The following CCDC102B variants were observed in gnomAD, a reference collection of about 807,000 sequenced individuals.
CCDC102B encodes coiled-coil domain containing 102B.
In CCDC102B, 75 loss-of-function variants were observed where a neutral mutation model predicts 57.4. The observed-to-expected ratio is 1.31, with a 90% CI of 1.08 to 1.58. The LOEUF is 1.58. Among genes scored for constraint, CCDC102B ranks in the 40% most tolerant of loss-of-function variants. The probability of loss-of-function intolerance (pLI) is 0.00; values close to 1 mark genes in which losing one functional copy is unlikely to be tolerated. For missense variants in CCDC102B, 636 were observed against 582.6 expected, an observed-to-expected ratio of 1.09 and a Z score of -0.94; for synonymous variants, 206 against 201.9, an observed-to-expected ratio of 1.02 and a Z score of -0.17.
intron 6 of CCDC102B, among the ~76,000 whole-genome samples, chr18:68,932,489 T>A (rs2041709418): frequency 6.6e-6 from 1 of 151,902 alleles, no homozygotes; most frequent in African/African-American, 2.4e-5. Context: ...AGATCATAGA[T>A]ATTTAGACCA....
chr18:68,852,353 G>GTGGGGGATTGTT, intron 4 of CCDC102B, among the ~76,000 whole-genome samples: 1 of 152,282 alleles, frequency 6.6e-6, no homozygotes, highest in South Asian at 2.1e-4. Context: ...CTTGGTATCT[G>GTGGGGGATTGTT]TGGGGGATTG....
chr18:68,939,809 A>G (rs1355713594), intron 6 of CCDC102B, among the ~76,000 whole-genome samples: 2 of 151,824 alleles, frequency 1.3e-5, no homozygotes, highest in African/African-American at 4.8e-5. Flanking sequence ...TCCACTCAAC[A>G]TGCAGACACT....
intron 2 of CCDC102B, among the ~76,000 whole-genome samples, chr18:68,774,090 G>T (rs1009859247): frequency 2.6e-5 from 4 of 151,830 alleles, no homozygotes; most frequent in Non-Finnish European, 5.9e-5. Context: ...CTAACATTCT[G>T]CAATAGGCAC....
In CCDC102B at chr18:68,837,347, C is replaced by T. The variant is rs754168339; in HGVS notation, c.584C>T (p.Thr195Ile). Reference protein sequence around the residue: ...REYLVKRQFSTKEDTNNKEQG... With the variant: ...REYLVKRQFSIKEDTNNKEQG... ...TATTTGGTAAAAAGACAATTTTCTA[C>T]AAAGGAGGACACAAATAATAAGGTA... Residue 195 changes from threonine to isoleucine, a missense_variant, in exon 2 of 8, where the codon ACA becomes ATA. Transcript: ENST00000360242. 11 of 1,608,878 alleles carry T rather than the reference C, an allele frequency of 6.8e-6. No homozygotes were observed. Among genetic ancestry groups the T allele is most frequent in the Admixed American group, 6.7e-5 (4 of 59,384 alleles).
intron 2 of CCDC102B, among the ~76,000 whole-genome samples, chr18:68,778,166 C>A (rs944743755): frequency 3.3e-5 from 5 of 152,096 alleles, no homozygotes; most frequent in Admixed American, 3.3e-4. Flanking sequence ...TCTCCATATT[C>A]CAAACTGTCG....
At chr18:68,831,432 T>C (rs919835651) in intron 1 of CCDC102B, among the ~76,000 whole-genome samples, 10 of 152,154 alleles carry the variant, frequency 6.6e-5, no homozygotes, top group African/African-American at 2.4e-4. Context: ...GATAATGCCA[T>C]TTAAAATTTA....
intron 3 of CCDC102B, among the ~76,000 whole-genome samples, chr18:68,845,996 A>G (rs1301967405): frequency 6.6e-6 from 1 of 151,652 alleles, no homozygotes; most frequent in Non-Finnish European, 1.5e-5. Flanking sequence ...ATATCCTCCT[A>G]TGTAAGAGAA....
intron 6 of CCDC102B, among the ~76,000 whole-genome samples, chr18:68,914,964 A>C (rs1010601907): frequency 2.3e-5 from 3 of 129,230 alleles, no homozygotes; most frequent in Non-Finnish European, 3.2e-5. Context: ...TGATTTAGGC[A>C]CTACTGGGGG....
At chr18:68,911,566 C>A (rs1044206458) in intron 6 of CCDC102B, among the ~76,000 whole-genome samples, 4 of 150,672 alleles carry the variant, frequency 2.7e-5, no homozygotes, top group Admixed American at 6.6e-5. Context: ...TCCTGGCTAA[C>A]ACGGTGAAAC....
At chr18:68,888,017 C>T (rs2039948352) in intron 5 of CCDC102B, among the ~76,000 whole-genome samples, 1 of 152,122 alleles carries the variant, frequency 6.6e-6, no homozygotes, top group Non-Finnish European at 1.5e-5. Flanking sequence ...CACATGATCA[C>T]ACATTAAGAC....
intron 6 of CCDC102B, among the ~76,000 whole-genome samples, chr18:68,940,493 C>T (rs1018041041): frequency 6.6e-6 from 1 of 151,678 alleles, no homozygotes; most frequent in Non-Finnish European, 1.5e-5. Context: ...CATTATTTCA[C>T]GGTCCATTAA....
At chr18:68,940,433 T>C (rs2049346945) in intron 6 of CCDC102B, among the ~76,000 whole-genome samples, 1 of 151,874 alleles carries the variant, frequency 6.6e-6, no homozygotes, top group Non-Finnish European at 1.5e-5. Flanking sequence ...ACTGTTTCTT[T>C]ACATTAATGA....
At chr18:69,039,522 T>C (rs2052377874) in intron 7 of CCDC102B, among the ~76,000 whole-genome samples, 1 of 152,060 alleles carries the variant, frequency 6.6e-6, no homozygotes, top group East Asian at 1.9e-4. Context: ...GATATTATTA[T>C]ATTGATATTT....
chr18:68,792,145 C>T (rs2035483418), intron 2 of CCDC102B, among the ~76,000 whole-genome samples: 1 of 152,114 alleles, frequency 6.6e-6, no homozygotes, highest in Non-Finnish European at 1.5e-5. Context: ...GCTATGAGCT[C>T]AATTAAAACC....
chr18:68,717,088 A>T (rs1350941756), intron 2 of CCDC102B, among the ~76,000 whole-genome samples: 2 of 151,126 alleles, frequency 1.3e-5, no homozygotes, highest in African/African-American at 4.9e-5. Flanking sequence ...AAAAAAAAAA[A>T]AAAAAATTAG....
chr18:68,796,151 A>C (rs1295906525), upstream of CCDC102B, among the ~76,000 whole-genome samples: 2 of 152,206 alleles, frequency 1.3e-5, no homozygotes, highest in African/African-American at 2.4e-5. Flanking sequence ...GAGAAGAAAG[A>C]CAATTTAAGA....
intron 6 of CCDC102B, among the ~76,000 whole-genome samples, chr18:68,925,771 A>G (rs561164933): frequency 5.1e-4 from 78 of 152,124 alleles, no homozygotes; most frequent in African/African-American, 1.9e-3. Flanking sequence ...ATAAGGGTAC[A>G]TGCCAATGAT....
chr18:68,846,986 C>T (rs929698470), intron 4 of CCDC102B, among the ~76,000 whole-genome samples: 3 of 151,638 alleles, frequency 2.0e-5, no homozygotes, highest in Admixed American at 6.6e-5. Flanking sequence ...CCATCATGAA[C>T]GTTTCCCATT....
Position 69,007,675 on chromosome 18 carries a change from G to T in CCDC102B, c.1264-3259G>T, listed in dbSNP as rs532254750. On this transcript the variant is annotated intron_variant, in intron 6 of 7. Transcript: ENST00000360242. ...AATGAAGTTCCCAAGTGATGCCGTTGCTGCTGGCTTGGGTATGACTTATTG... is the reference window on the plus strand; with the variant it reads ...AATGAAGTTCCCAAGTGATGCCGTTTCTGCTGGCTTGGGTATGACTTATTG... Among the ~76,000 whole-genome samples, 28 of 152,328 alleles carry T rather than the reference G, an allele frequency of 1.8e-4. 1 individual carries two copies. The South Asian group carries it at 5.6e-3, about 30-fold the overall frequency.
Sources: gnomAD v4.1 joint callset for allele counts (sites outside exome capture counted in the v4.1 genomes callset) on GRCh38, gnomAD v4.1.1 for gene constraint, MANE v1.5 for transcripts, NCBI Gene and HGNC (gene_info 2026-07-23, HGNC 2026-07-21) for gene names.